SPIRE1: variants seen among roughly 807,000 people sequenced by gnomAD.
SPIRE1 encodes the protein spire type actin nucleation factor 1.
SPIRE1 carries 40 observed loss-of-function variants against 94.1 expected under a neutral mutation model. The ratio of observed to expected loss-of-function variants is 0.43; its 90% confidence interval spans 0.33 to 0.55. The LOEUF is 0.55. SPIRE1 is among the 20% of genes least tolerant of loss of function. The probability of loss-of-function intolerance (pLI) is 0.06; values close to 1 mark genes in which losing one functional copy is unlikely to be tolerated. For synonymous variants in SPIRE1, 376 were observed against 371.7 expected (o/e 1.01, Z -0.13); for missense variants, 838 against 975.2 (o/e 0.86, Z 1.87).
At chr18:12,657,467 G>T in intron 1 of SPIRE1, 63 bp downstream of exon 1, 4 of 1,184,684 alleles carry the variant, frequency 3.4e-6, no homozygotes, top group South Asian at 4.2e-5. Context: ...GGACGCTGAG[G>T]GTAAGGCGGC....
At chr18:12,522,594 A>T (rs1485079765) in intron 4 of SPIRE1, among the ~76,000 whole-genome samples, 2 of 152,228 alleles carry the variant, frequency 1.3e-5, no homozygotes, top group African/African-American at 4.8e-5. Flanking sequence ...TGGGACTTTC[A>T]TAGCTAGAGA....
At chr18:12,621,100 T>TA (rs1285758415) in intron 2 of SPIRE1, among the ~76,000 whole-genome samples, 19 of 152,294 alleles carry the variant, frequency 1.2e-4, no homozygotes, top group African/African-American at 3.8e-4. Flanking sequence ...TAGTCATTTC[T>TA]ACAATGGTCA....
chr18:12,495,067 A>AAAAC (rs2033405543), intron 7 of SPIRE1, among the ~76,000 whole-genome samples: 4 of 149,978 alleles, frequency 2.7e-5, no homozygotes, highest in Admixed American at 6.6e-5. Flanking sequence ...AAAAAAAAAA[A>AAAAC]CCCTCCTAGG....
chr18:12,596,318 C>T (rs984376411), intron 2 of SPIRE1, among the ~76,000 whole-genome samples: 1 of 152,204 alleles, frequency 6.6e-6, no homozygotes, highest in African/African-American at 2.4e-5. Context: ...CCTCTTGAAA[C>T]ACTTGCTTTA....
chr18:12,500,959 C>T (rs919392212), intron 6 of SPIRE1, among the ~76,000 whole-genome samples: 5 of 150,602 alleles, frequency 3.3e-5, no homozygotes, highest in African/African-American at 1.2e-4. Flanking sequence ...GTAAACCCAG[C>T]TACTTGGGAG....
At chr18:12,516,818 G>A (rs185683491) in intron 4 of SPIRE1, among the ~76,000 whole-genome samples, 108 of 152,160 alleles carry the variant, frequency 7.1e-4, no homozygotes, top group African/African-American at 2.3e-3. Flanking sequence ...ACTATTCTCC[G>A]ACACATCCCT....
At chr18:12,570,318 A>G (rs2035931900) in intron 2 of SPIRE1, among the ~76,000 whole-genome samples, 1 of 152,224 alleles carries the variant, frequency 6.6e-6, no homozygotes, top group South Asian at 2.1e-4. Context: ...GTAAGTCTTA[A>G]ATGTCAAATC....
chr18:12,512,671 T>C (rs1003019748), intron 4 of SPIRE1, 140 bp from the exon 5 acceptor site: 30 of 565,142 alleles, frequency 5.3e-5, no homozygotes, highest in Non-Finnish European at 8.9e-5. Flanking sequence ...CCGTAAACTC[T>C]AGGGCCAATT....
intron 16 of SPIRE1, chr18:12,450,658 C>T: frequency 1.6e-6 from 1 of 619,982 alleles, no homozygotes. Flanking sequence ...AAGTACACTA[C>T]CACTGGGAAA....
intron 6 of SPIRE1, among the ~76,000 whole-genome samples, chr18:12,503,165 A>G (rs1000320610): frequency 6.6e-6 from 1 of 151,976 alleles, no homozygotes; most frequent in African/African-American, 2.4e-5. Flanking sequence ...AGATGCTATC[A>G]ATCTTTCATC....
At position 12,448,297 on chromosome 18, in the gene SPIRE1, C is replaced by T. The variant is rs946006359; in HGVS notation, c.*1341G>A. On this transcript the variant is annotated 3_prime_UTR_variant, in exon 17 of 17. Coordinates refer to ENST00000409402, the MANE Select transcript of SPIRE1 (RefSeq NM_001128626.2). This position sits in a 1 kb window ranked among gnomAD's most constrained non-coding sequence, Gnocchi z 4.4. ...TGCAGCCGCCATGCCTTTCATGAAA[C>T]GGTGCTATCGTGGTGCTGACTACAG... 6 of 152,564 alleles carry T rather than the reference C, an allele frequency of 3.9e-5. No individual in the cohort carries two copies. Among genetic ancestry groups the T allele is most frequent in the South Asian group, 2.1e-4 (1 of 4,828 alleles). The allele number at this position is 152,564 out of a possible 1,614,324, so 9.5% of individuals were successfully genotyped here.
intron 1 of SPIRE1, among the ~76,000 whole-genome samples, chr18:12,635,777 C>T (rs2037906723): frequency 6.6e-6 from 1 of 152,010 alleles, no homozygotes; most frequent in Non-Finnish European, 1.5e-5. Context: ...ACTTCTTAAA[C>T]AAAAACAGCT....
At chr18:12,468,014 T>C (rs2032194339) in intron 10 of SPIRE1, among the ~76,000 whole-genome samples, 1 of 152,084 alleles carries the variant, frequency 6.6e-6, no homozygotes, top group Non-Finnish European at 1.5e-5. Flanking sequence ...TTTGTTAGTG[T>C]TAAGGGAGAA....
At chr18:12,658,769 T>C (rs1259425579), upstream of SPIRE1, 1 of 363,180 alleles carries the variant, frequency 2.8e-6, no homozygotes, top group Non-Finnish European at 5.7e-6. Flanking sequence ...ACTCCCATCT[T>C]CAGGGTAAGC....
At chr18:12,658,327 C>T, upstream of SPIRE1, 1 of 437,846 alleles carries the variant, frequency 2.3e-6, no homozygotes, top group Non-Finnish European at 4.5e-6. Flanking sequence ...AAGGGACACA[C>T]AGCTGGGGGC....
chr18:12,618,587 T>C (rs1379861140), intron 2 of SPIRE1, among the ~76,000 whole-genome samples: 12 of 152,186 alleles, frequency 7.9e-5, no homozygotes, highest in Non-Finnish European at 1.3e-4. Flanking sequence ...TTTAATCTTA[T>C]ATTCTAGAAT....
intron 4 of SPIRE1, among the ~76,000 whole-genome samples, chr18:12,534,150 T>C (rs184450983): frequency 1.2e-4 from 19 of 152,348 alleles, no homozygotes; most frequent in Admixed American, 1.2e-3. Flanking sequence ...AGAGCTCTTA[T>C]TCATATATAC....
intron 2 of SPIRE1, among the ~76,000 whole-genome samples, chr18:12,589,194 G>T (rs2144577709): frequency 6.6e-6 from 1 of 151,252 alleles, no homozygotes; most frequent in South Asian, 2.1e-4. Flanking sequence ...CCCAATTTCA[G>T]AGATGAAGAA....
intron 2 of SPIRE1, among the ~76,000 whole-genome samples, chr18:12,615,348 ATATATATAT>A (rs2037269635): frequency 1.4e-5 from 1 of 72,440 alleles, no homozygotes; most frequent in African/African-American, 5.0e-5. Context: ...AAAAAAAAAT[ATATATATAT>A]ATATATATAT....
Sources: gnomAD v4.1 joint callset for allele counts (sites outside exome capture counted in the v4.1 genomes callset) on GRCh38, gnomAD v4.1.1 for gene constraint, Gnocchi (gnomAD v3.1) non-coding constraint, MANE v1.5 for transcripts, NCBI Gene and HGNC (gene_info 2026-07-23, HGNC 2026-07-21) for gene names.